TLK1: variants seen among roughly 807,000 people sequenced by gnomAD.
The protein encoded by TLK1 is serine/threonine-protein kinase tousled-like 1.
A neutral mutation model predicts 105.3 loss-of-function variants in TLK1; 24 were observed. The observed-to-expected ratio is 0.23, with a 90% CI of 0.17 to 0.32. TLK1 has a LOEUF of 0.32. Among genes scored for constraint, TLK1 ranks in the 10% least tolerant of loss-of-function variants. The pLI is 1.00. For missense variants in TLK1, 558 were observed against 910.5 expected, an observed-to-expected ratio of 0.61 and a Z score of 4.98; for synonymous variants, 321 against 310.4, an observed-to-expected ratio of 1.03 and a Z score of -0.36.
At chr2:171,180,094 CA>C (rs57360155) in intron 1 of TLK1, among the ~76,000 whole-genome samples, 11,844 of 68,746 alleles carry the variant, frequency 0.17, 573 homozygotes, top group African/African-American at 0.3. Flanking sequence ...GACTCTGTCT[CA>C]AAAAAAAAAA....
chr2:171,127,248 G>A (rs1034323186), intron 1 of TLK1, among the ~76,000 whole-genome samples: 9 of 146,032 alleles, frequency 6.2e-5, no homozygotes, highest in African/African-American at 2.3e-4. Flanking sequence ...CTGCACTCCA[G>A]CCTGGCCAAC....
chr2:171,092,758 C>T (rs1252472090), intron 2 of TLK1, among the ~76,000 whole-genome samples: 2 of 152,046 alleles, frequency 1.3e-5, no homozygotes, highest in Non-Finnish European at 2.9e-5. Flanking sequence ...AGGATTTTGT[C>T]CTCTGTCTAC....
intron 2 of TLK1, among the ~76,000 whole-genome samples, chr2:171,115,778 T>C (rs1436194985): frequency 6.6e-6 from 1 of 152,082 alleles, no homozygotes; most frequent in Admixed American, 6.6e-5. Flanking sequence ...ACAATATATT[T>C]CTAAGGAAAA....
At chr2:171,003,986 G>A (rs1684524191) in intron 18 of TLK1, among the ~76,000 whole-genome samples, 2 of 150,766 alleles carry the variant, frequency 1.3e-5, no homozygotes, top group Admixed American at 1.3e-4. Context: ...ACGGAGTCTT[G>A]CTCTGTCGCC....
intron 1 of TLK1, among the ~76,000 whole-genome samples, chr2:171,135,581 A>T (rs919584023): frequency 6.6e-6 from 1 of 151,966 alleles, no homozygotes; most frequent in Non-Finnish European, 1.5e-5. Flanking sequence ...AGGGTGGATC[A>T]CCTGAGGTCA....
chr2:171,141,061 TG>T (rs1412905280), intron 1 of TLK1, among the ~76,000 whole-genome samples: 4 of 152,028 alleles, frequency 2.6e-5, no homozygotes, highest in Non-Finnish European at 5.9e-5. Context: ...TCTTTAAAAA[TG>T]CACACAGGAA....
intron 18 of TLK1, among the ~76,000 whole-genome samples, chr2:170,998,086 CTAT>C (rs1339312826): frequency 0.019 from 946 of 49,392 alleles, 11 homozygotes; most frequent in African/African-American, 0.061. Flanking sequence ...ATCTATCTAT[CTAT>C]CTACCTACCT....
At chr2:171,013,318 C>CTTTTTTTTTTTTT (rs774923512) in intron 13 of TLK1, among the ~76,000 whole-genome samples, 1 of 74,138 alleles carries the variant, frequency 1.3e-5, no homozygotes, top group African/African-American at 5.5e-5. Flanking sequence ...TGGCCCCTCA[C>CTTTTTTTTTTTTT]TTTTTTTTTT....
chr2:171,025,145 G>C (rs530236353), intron 12 of TLK1, among the ~76,000 whole-genome samples: 1 of 152,278 alleles, frequency 6.6e-6, no homozygotes, highest in South Asian at 2.1e-4. Flanking sequence ...TTGGATAATA[G>C]AGTAAGGCTA....
intron 1 of TLK1, among the ~76,000 whole-genome samples, chr2:171,227,167 C>G (rs1693912031): frequency 6.6e-6 from 1 of 152,156 alleles, no homozygotes; most frequent in African/African-American, 2.4e-5. Flanking sequence ...CCTACTACCC[C>G]TCCATGTAGT....
chr2:171,134,479 G>A (rs1273468926), intron 1 of TLK1, among the ~76,000 whole-genome samples: 1 of 152,064 alleles, frequency 6.6e-6, no homozygotes, highest in Non-Finnish European at 1.5e-5. Flanking sequence ...CAAAGAATCT[G>A]AACAGACATT....
intron 1 of TLK1, among the ~76,000 whole-genome samples, chr2:171,135,160 G>C (rs1691255293): frequency 6.6e-6 from 1 of 152,126 alleles, no homozygotes; most frequent in South Asian, 2.1e-4. Flanking sequence ...TCGCACAGCA[G>C]GGTGACTATA....
intron 1 of TLK1, among the ~76,000 whole-genome samples, chr2:171,213,923 T>C (rs56259588): frequency 0.046 from 6,926 of 151,036 alleles, 302 homozygotes; most frequent in African/African-American, 0.11. Context: ...GAAGAGGTCT[T>C]GTTATGTTGA....
rs149530294 is a variant in TLK1, at chr2:171,003,720, A to G, written c.1904+2427T>C. Among the ~76,000 whole-genome samples, 334 of 152,342 alleles carry G rather than the reference A, an allele frequency of 2.2e-3. 2 individuals carry two copies. The highest frequency in any genetic ancestry group is 8.0e-3 in the Admixed American group (123 of 15,310). ...GGTGTAGCTACAAAATTATTACAGT[A>G]CACAGTATGTGGTACAGTTAATTTT... On this transcript the variant is annotated intron_variant, in intron 18 of 20. Transcript: ENST00000431350.
chr2:171,148,476 C>T (rs1691883473), intron 1 of TLK1, among the ~76,000 whole-genome samples: 2 of 151,188 alleles, frequency 1.3e-5, no homozygotes, highest in African/African-American at 4.9e-5. Context: ...GAGAGAAAGG[C>T]GAGACAAAAA....
chr2:171,076,682 A>G (rs1004238175), intron 3 of TLK1, among the ~76,000 whole-genome samples: 4 of 151,210 alleles, frequency 2.6e-5, no homozygotes, highest in Non-Finnish European at 5.9e-5. Context: ...GGCGGATCAC[A>G]AGGTCAGGAG....
rs149368723 is a variant in TLK1, at chr2:171,127,798, G to A, written c.140-9941C>T. Among the ~76,000 whole-genome samples the A allele has an allele frequency of 4.0e-4, 61 of 150,936 alleles. 1 individual carries two copies. The East Asian group carries it at 5.8e-3, about 14-fold the overall frequency. On this transcript the variant is annotated intron_variant, in intron 1 of 20. Coordinates refer to ENST00000431350, the MANE Select transcript of TLK1 (RefSeq NM_012290.5). ...CATTCCATAAACATCGGTCTGTTTTGTACTTTATTCACTAAATAGTTTCAC... is the reference window on the plus strand; with the variant it reads ...CATTCCATAAACATCGGTCTGTTTTATACTTTATTCACTAAATAGTTTCAC...
intron 1 of TLK1, among the ~76,000 whole-genome samples, chr2:171,143,055 G>A (rs13432325): frequency 0.26 from 39,844 of 152,016 alleles, 5,478 homozygotes; most frequent in Middle Eastern, 0.35. Context: ...CAGCCTGCGC[G>A]ACAAATCGAG....
chr2:171,022,185 A>T (rs1000291806), intron 12 of TLK1, among the ~76,000 whole-genome samples: 1 of 151,288 alleles, frequency 6.6e-6, no homozygotes, highest in Non-Finnish European at 1.5e-5. Context: ...AACATTATCT[A>T]CTACCAAGTT....
Sources: gnomAD v4.1 joint callset for allele counts (sites outside exome capture counted in the v4.1 genomes callset) on GRCh38, gnomAD v4.1.1 for gene constraint, MANE v1.5 for transcripts, NCBI Gene and HGNC (gene_info 2026-07-23, HGNC 2026-07-21) for gene names.